Variants in SLC25A48 observed in about 807,000 individuals in gnomAD.
The protein encoded by SLC25A48 is solute carrier family 25 member 48.
A neutral mutation model predicts 32.2 loss-of-function variants in SLC25A48; 29 were observed. The ratio of observed to expected loss-of-function variants is 0.90; its 90% CI spans 0.67 to 1.23. SLC25A48 has a LOEUF of 1.23. SLC25A48 is among the 50% of genes most tolerant of loss of function. The pLI, the probability that SLC25A48 is intolerant of heterozygous loss-of-function variation, is 0.00. For missense variants in SLC25A48, 399 were observed against 422.7 expected (o/e 0.94, Z 0.49); for synonymous variants, 164 against 172.3 (o/e 0.95, Z 0.38).
chr5:135,848,425 G>C lies in SLC25A48; in HGVS notation c.91-2000G>C, dbSNP rs149866851. Reference sequence around the variant, plus strand: ...GTCCTGGTTGTGGACATCCCACTCCGAGGTAGGCCTCTGTGGTTCTGCTTA... The same window carrying C: ...GTCCTGGTTGTGGACATCCCACTCCCAGGTAGGCCTCTGTGGTTCTGCTTA... On this transcript the variant is annotated intron_variant, in intron 2 of 7. Transcript: ENST00000681962. 3.1e-3 allele frequency among the ~76,000 whole-genome samples: 474 copies of C among 152,256 alleles called. 2 individuals carry two copies. The highest frequency in any genetic ancestry group is 5.4e-3 in the Non-Finnish European group (367 of 68,006).
intron 1 of SLC25A48, 102 bp from the exon 2 acceptor site, chr5:135,842,314 T>G: frequency 8.1e-7 from 1 of 1,233,754 alleles, no homozygotes; most frequent in South Asian, 1.2e-5. Context: ...ACCCCAGCAA[T>G]TGACCGTTGA....
intron 1 of SLC25A48, among the ~76,000 whole-genome samples, chr5:135,584,678 C>T (rs1466013683): frequency 1.3e-5 from 2 of 152,206 alleles, no homozygotes; most frequent in African/African-American, 2.4e-5. Flanking sequence ...AGAAATACCA[C>T]ATGCAAAGCT....
chr5:135,734,945 C>T (rs1454899746), intron 3 of SLC25A48, among the ~76,000 whole-genome samples: 4 of 152,210 alleles, frequency 2.6e-5, no homozygotes, highest in African/African-American at 9.7e-5. Flanking sequence ...CCTTCAGCCG[C>T]TAAGCCGAGA....
chr5:135,691,924 T>C (rs1297610218), intron 3 of SLC25A48, among the ~76,000 whole-genome samples: 6 of 152,144 alleles, frequency 3.9e-5, no homozygotes, highest in African/African-American at 1.2e-4. Context: ...GGAGCCTTCC[T>C]CTCAACCCTG....
At chr5:135,766,095 A>G (rs935525800) in intron 3 of SLC25A48, among the ~76,000 whole-genome samples, 2 of 151,726 alleles carry the variant, frequency 1.3e-5, no homozygotes, top group African/African-American at 4.8e-5. Context: ...ATTTCTCCCC[A>G]TATCGCGGGG....
chr5:135,783,386 G>C (rs1333473700), intron 3 of SLC25A48, among the ~76,000 whole-genome samples: 1 of 106,762 alleles, frequency 9.4e-6, no homozygotes, highest in Non-Finnish European at 2.3e-5. Context: ...ATTACTTTCA[G>C]TATCACATGG....
intron 3 of SLC25A48, among the ~76,000 whole-genome samples, chr5:135,657,347 A>C (rs1753277029): frequency 6.6e-6 from 1 of 152,226 alleles, no homozygotes; most frequent in South Asian, 2.1e-4. Flanking sequence ...TGTTTCTCAG[A>C]ATGCTGTAGA....
chr5:135,807,895 C>T (rs1176599943), intron 3 of SLC25A48, among the ~76,000 whole-genome samples: 3 of 141,934 alleles, frequency 2.1e-5, no homozygotes, highest in African/African-American at 2.6e-5. Context: ...ATGTGTTAAC[C>T]CTGTGTGTTA....
rs992112473 is a variant in SLC25A48 at position 135,771,590 on chromosome 5, G to A, written c.-520-40933G>A. Among the ~76,000 whole-genome samples the A allele has an allele frequency of 3.3e-5, 5 of 151,624 alleles. 1 individual carries two copies. The Admixed American group carries it at 3.3e-4, about 10-fold the overall frequency. The stretch of plus-strand genomic sequence containing the variant: ...TGATATGGTTCCTAATATCTAGGGG[G>A]GAAGAGAATGATATTACTCTTTGTA... On this transcript the variant is annotated intron_variant, in intron 3 of 10. Transcript: ENST00000646290.
intron 1 of SLC25A48, among the ~76,000 whole-genome samples, chr5:135,608,479 C>T (rs960862094): frequency 2.4e-4 from 37 of 152,188 alleles, no homozygotes; most frequent in Admixed American, 3.9e-4. Flanking sequence ...GTTAACCTAG[C>T]GTGTCTCCAG....
intron 1 of SLC25A48, among the ~76,000 whole-genome samples, chr5:135,597,544 C>T (rs1433029308): frequency 1.3e-5 from 2 of 152,256 alleles, no homozygotes; most frequent in Non-Finnish European, 2.9e-5. Flanking sequence ...CTGCAAAGGA[C>T]CCTGCTTGCC....
At chr5:135,883,572 A>G (rs996661932) in intron 7 of SLC25A48, 1 of 728,078 alleles carries the variant, frequency 1.4e-6, no homozygotes, top group African/African-American at 1.9e-5. Context: ...AAACCCCTCC[A>G]CACAGGTGAG....
chr5:135,772,066 A>G (rs1756427856), intron 3 of SLC25A48, among the ~76,000 whole-genome samples: 2 of 151,152 alleles, frequency 1.3e-5, no homozygotes, highest in Non-Finnish European at 3.0e-5. Flanking sequence ...TCCCAATATC[A>G]CAGAAGGTGT....
At chr5:135,607,706 A>C (rs543989607) in intron 1 of SLC25A48, among the ~76,000 whole-genome samples, 1 of 152,372 alleles carries the variant, frequency 6.6e-6, no homozygotes, top group South Asian at 2.1e-4. Flanking sequence ...AAATTTCTTT[A>C]GCTCAGGATT....
intron 1 of SLC25A48, among the ~76,000 whole-genome samples, chr5:135,580,485 A>C (rs1368613865): frequency 6.6e-6 from 1 of 152,144 alleles, no homozygotes; most frequent in South Asian, 2.1e-4. Flanking sequence ...CAATGGGAAG[A>C]ATCTGTGTCG....
intron 2 of SLC25A48, 94 bp downstream of exon 2, chr5:135,842,553 GTCT>G: frequency 7.6e-7 from 1 of 1,316,180 alleles, no homozygotes; most frequent in Non-Finnish European, 1.1e-6. Context: ...CTCTCAGAGA[GTCT>G]TCTGCCCAGG....
intron 3 of SLC25A48, among the ~76,000 whole-genome samples, chr5:135,794,883 C>T (rs78292204): frequency 0.013 from 2,029 of 151,846 alleles, 46 homozygotes; most frequent in African/African-American, 0.045. Context: ...GAACACAACC[C>T]TTTTGATATT....
chr5:135,710,334 G>T (rs963176009), intron 3 of SLC25A48, among the ~76,000 whole-genome samples: 3 of 152,198 alleles, frequency 2.0e-5, no homozygotes, highest in African/African-American at 7.2e-5. Context: ...ATTATCAAAG[G>T]GGTGAGACGG....
intron 3 of SLC25A48, among the ~76,000 whole-genome samples, chr5:135,757,162 T>C (rs544849154): frequency 1.4e-4 from 21 of 150,300 alleles, no homozygotes; most frequent in African/African-American, 4.1e-4. Flanking sequence ...ATAAAATATC[T>C]TTATAGAATT....
Sources: allele counts gnomAD v4.1 joint callset (sites outside exome capture counted in the v4.1 genomes callset), GRCh38; gene constraint gnomAD v4.1.1; transcripts MANE v1.5; gene names NCBI Gene and HGNC (gene_info 2026-07-23, HGNC 2026-07-21).